Variants in CACNA2D3 observed in about 807,000 individuals in gnomAD.
The protein encoded by CACNA2D3 is voltage-dependent calcium channel subunit alpha-2/delta-3.
CACNA2D3 carries 60 observed loss-of-function variants against 160.6 expected under a neutral mutation model. The observed-to-expected ratio is 0.37, with a 90% CI of 0.30 to 0.46. The LOEUF (loss-of-function observed/expected upper bound fraction) is 0.46. Ranked by LOEUF, CACNA2D3 falls within the 20% of genes least tolerant of loss-of-function variation. The pLI is 1.00. For synonymous variants in CACNA2D3, 558 were observed against 492.9 expected (o/e 1.13, Z -1.75); for missense variants, 1,205 against 1,365.0 (o/e 0.88, Z 1.85).
chr3:54,471,753 T>A (rs1296781547), intron 4 of CACNA2D3, among the ~76,000 whole-genome samples: 1 of 151,926 alleles, frequency 6.6e-6, no homozygotes, highest in Admixed American at 6.5e-5. Flanking sequence ...TAAACTACCA[T>A]CAGAGAATAT....
intron 18 of CACNA2D3, 108 bp from the exon 19 acceptor site, chr3:54,878,910 G>T (rs576102628): frequency 8.7e-6 from 5 of 576,328 alleles, no homozygotes; most frequent in Non-Finnish European, 1.5e-5. Context: ...CTCTGTTTTC[G>T]AGGTGTAAGT....
rs74666013 is a variant in CACNA2D3 at position 55,012,171 on chromosome 3, T to C, written c.2875+2728T>C. 6.7e-3 allele frequency among the ~76,000 whole-genome samples: 1,017 copies of C among 152,296 alleles called. 15 individuals are homozygous for C. Among genetic ancestry groups the C allele is most frequent in the African/African-American group, 0.023 (971 of 41,538 alleles). ...CAAGTCACTTGGTCTCTCTGGACTT[T>C]GGTTCCATTTGTCAACAGAGGAAAC... On this transcript the variant is annotated intron_variant, in intron 34 of 37. Coordinates refer to ENST00000474759, the MANE Select transcript of CACNA2D3 (RefSeq NM_018398.3).
At chr3:54,703,579 A>G (rs13070126) in intron 11 of CACNA2D3, among the ~76,000 whole-genome samples, 1 of 152,062 alleles carries the variant, frequency 6.6e-6, no homozygotes, top group Non-Finnish European at 1.5e-5. Context: ...ACCGTTGACT[A>G]TCCTCCTACC....
In CACNA2D3 at chr3:54,357,102, A is replaced by G. The variant is rs550128227; in HGVS notation, c.322-29613A>G. On this transcript the variant is annotated intron_variant, in intron 3 of 37. Transcript: ENST00000474759. ...TGGTTCCTCTTGGTGTGATGTGATC[A>G]AGGTTATTGACACCCTAGTCTGTGC... Among the ~76,000 whole-genome samples the G allele has an allele frequency of 7.9e-5, 12 of 152,236 alleles. 1 individual carries two copies. Among genetic ancestry groups the G allele is most frequent in the East Asian group, 5.8e-4 (3 of 5,170 alleles).
chr3:54,724,942 C>T (rs528088882), intron 11 of CACNA2D3, among the ~76,000 whole-genome samples: 4 of 152,170 alleles, frequency 2.6e-5, no homozygotes, highest in African/African-American at 7.2e-5. Flanking sequence ...GAGATACAGA[C>T]ACGAAAAACA....
chr3:54,312,674 C>A (rs989082078), intron 2 of CACNA2D3, among the ~76,000 whole-genome samples: 1 of 152,202 alleles, frequency 6.6e-6, no homozygotes, highest in Non-Finnish European at 1.5e-5. Context: ...TGTCTTCCTT[C>A]CCAAATGATA....
chr3:54,684,805 G>C (rs1700419719), intron 11 of CACNA2D3, among the ~76,000 whole-genome samples: 1 of 152,164 alleles, frequency 6.6e-6, no homozygotes. Flanking sequence ...CAAATTGTGA[G>C]AGCAGCCCAG....
intron 2 of CACNA2D3, among the ~76,000 whole-genome samples, chr3:54,166,391 C>T (rs1022167184): frequency 1.3e-5 from 2 of 152,202 alleles, no homozygotes; most frequent in African/African-American, 4.8e-5. Flanking sequence ...ATTAGCTGCT[C>T]ACCTTGAAAT....
chr3:54,711,587 G>T (rs1178889191), intron 11 of CACNA2D3, among the ~76,000 whole-genome samples: 1 of 152,192 alleles, frequency 6.6e-6, no homozygotes, highest in African/African-American at 2.4e-5. Context: ...ACATGTTTAT[G>T]CCAGAACCAA....
intron 11 of CACNA2D3, among the ~76,000 whole-genome samples, chr3:54,740,113 G>A (rs1331306485): frequency 2.6e-5 from 4 of 152,006 alleles, no homozygotes; most frequent in Non-Finnish European, 5.9e-5. Context: ...GCAGCAAGGA[G>A]AAAAGGACAC....
chr3:54,863,122 A>G (rs1228760214), intron 17 of CACNA2D3, among the ~76,000 whole-genome samples: 1 of 152,240 alleles, frequency 6.6e-6, no homozygotes, highest in Non-Finnish European at 1.5e-5. Flanking sequence ...GAAAACTTTT[A>G]TGAACTTGGC....
intron 4 of CACNA2D3, among the ~76,000 whole-genome samples, chr3:54,463,095 A>G (rs1700538800): frequency 6.6e-6 from 1 of 151,844 alleles, no homozygotes; most frequent in East Asian, 1.9e-4. Context: ...AGAATGTTGA[A>G]TATTGGCCCC....
At chr3:54,808,613 CTTG>C (rs1400126586) in intron 13 of CACNA2D3, among the ~76,000 whole-genome samples, 192 of 152,232 alleles carry the variant, frequency 1.3e-3, no homozygotes, top group African/African-American at 4.5e-3. Flanking sequence ...GATCATGGGG[CTTG>C]GCCTCTTACC....
At chr3:54,809,311 C>CTTTTTTTTTTTTTTTTTTTTTTTTT (rs1217898723) in intron 13 of CACNA2D3, among the ~76,000 whole-genome samples, 9 of 80,734 alleles carry the variant, frequency 1.1e-4, no homozygotes, top group South Asian at 4.5e-4. Context: ...TTCCTTCTTT[C>CTTTTTTTTTTTTTTTTTTTTTTTTT]TTTTTTTTTT....
intron 27 of CACNA2D3, among the ~76,000 whole-genome samples, chr3:54,913,669 C>T (rs994603201): frequency 3.9e-5 from 6 of 152,134 alleles, no homozygotes; most frequent in African/African-American, 1.4e-4. Context: ...TTTCTTTGCC[C>T]TGCCATGCTT....
chr3:54,772,603 C>T (rs536664398), intron 13 of CACNA2D3, among the ~76,000 whole-genome samples: 2 of 152,114 alleles, frequency 1.3e-5, no homozygotes, highest in African/African-American at 4.8e-5. Context: ...AATTTGTTTT[C>T]CTGGTGAAAT....
chr3:54,880,958 C>A, intron 21 of CACNA2D3, 95 bp downstream of exon 21: 1 of 979,196 alleles, frequency 1.0e-6, no homozygotes, highest in Non-Finnish European at 1.7e-6. Flanking sequence ...CATCTGTCCG[C>A]ACCTGTGACC....
intron 31 of CACNA2D3, among the ~76,000 whole-genome samples, chr3:54,994,596 ATCT>A (rs1423862901): frequency 6.6e-6 from 1 of 152,196 alleles, no homozygotes; most frequent in Non-Finnish European, 1.5e-5. Context: ...AACTGCCCTC[ATCT>A]TCATCATCAT....
chr3:54,688,148 TAGC>T (rs553944210), intron 11 of CACNA2D3, among the ~76,000 whole-genome samples: 54 of 152,332 alleles, frequency 3.5e-4, no homozygotes, highest in African/African-American at 1.3e-3. Context: ...AGAAAAGAAT[TAGC>T]AGGTGAATAG....
Sources: allele counts gnomAD v4.1 joint callset (sites outside exome capture counted in the v4.1 genomes callset), GRCh38; gene constraint gnomAD v4.1.1; transcripts MANE v1.5; gene names NCBI Gene and HGNC (gene_info 2026-07-23, HGNC 2026-07-21).